The following DPYD variants were observed in gnomAD, a reference collection of about 807,000 sequenced individuals.
DPYD encodes the protein dihydropyrimidine dehydrogenase.
In DPYD, 109 loss-of-function variants were observed where a neutral mutation model predicts 116.2. The observed-to-expected ratio is 0.94, with a 90% CI of 0.80 to 1.10. The LOEUF is 1.10. DPYD is among the 50% of genes least tolerant of loss of function. DPYD has a pLI of 0.00. For missense variants in DPYD, 1,302 were observed against 1,254.5 expected (o/e 1.04, Z -0.57); for synonymous variants, 440 against 432.0 (o/e 1.02, Z -0.23).
intron 12 of DPYD, among the ~76,000 whole-genome samples, chr1:97,539,799 G>A (rs1411614024): frequency 1.3e-5 from 2 of 152,054 alleles, no homozygotes; most frequent in African/African-American, 4.8e-5. Context: ...TCTGATCTGG[G>A]ATTATAATTT....
At chr1:97,808,577 AG>A in intron 3 of DPYD, among the ~76,000 whole-genome samples, 1 of 152,144 alleles carries the variant, frequency 6.6e-6, no homozygotes, top group African/African-American at 2.4e-5. Context: ...GGACAAATGT[AG>A]TTTCATTTAT....
At chr1:97,133,572 C>A (rs747008399) in intron 20 of DPYD, among the ~76,000 whole-genome samples, 2 of 152,030 alleles carry the variant, frequency 1.3e-5, no homozygotes, top group Non-Finnish European at 2.9e-5. Flanking sequence ...GTATGAGACA[C>A]TTTTGATCTT....
chr1:97,869,094 A>T (rs959936545), intron 2 of DPYD, among the ~76,000 whole-genome samples: 2 of 151,766 alleles, frequency 1.3e-5, no homozygotes, highest in African/African-American at 4.8e-5. Context: ...ACCCTGCAGC[A>T]CCAAGCTTTC....
At chr1:97,306,081 T>C (rs1570473655) in intron 17 of DPYD, 96 bp downstream of exon 17, 4 of 1,587,718 alleles carry the variant, frequency 2.5e-6, no homozygotes, top group East Asian at 2.2e-5. Flanking sequence ...ACAAAAAATA[T>C]GCACATGTTT....
chr1:97,681,766 C>CA (rs1350960929), intron 7 of DPYD, among the ~76,000 whole-genome samples: 2 of 152,020 alleles, frequency 1.3e-5, no homozygotes, highest in African/African-American at 2.4e-5. Context: ...AAATACCCTT[C>CA]ATACCAATAT....
rs368804810 is a variant in DPYD at position 97,294,577 on chromosome 1, T to C, written c.2299+10682A>G. ...CTGTTCGAAAAGAAGGTGAGACATATGCAGGAACACAGGTATTTGTAACTT... is the reference window on the plus strand; with the variant it reads ...CTGTTCGAAAAGAAGGTGAGACATACGCAGGAACACAGGTATTTGTAACTT... On this transcript the variant is annotated intron_variant, in intron 18 of 22. Transcript: ENST00000370192. Among the ~76,000 whole-genome samples the C allele has an allele frequency of 3.7e-4, 57 of 152,318 alleles. No homozygotes were observed. In the South Asian group the frequency reaches 0.011, roughly 30 times the overall value.
intron 3 of DPYD, among the ~76,000 whole-genome samples, chr1:97,761,982 C>T (rs2101129544): frequency 6.6e-6 from 1 of 152,116 alleles, no homozygotes; most frequent in South Asian, 2.1e-4. Flanking sequence ...AAGGAAGGAA[C>T]ACAAGGACAC....
intron 8 of DPYD, among the ~76,000 whole-genome samples, chr1:97,662,784 A>C (rs1195084369): frequency 5.3e-5 from 8 of 152,180 alleles, no homozygotes; most frequent in Admixed American, 5.2e-4. Context: ...CAATGGCAAC[A>C]CCAAAACACA....
intron 15 of DPYD, among the ~76,000 whole-genome samples, chr1:97,376,802 A>G (rs1234217608): frequency 1.3e-5 from 2 of 151,824 alleles, no homozygotes; most frequent in African/African-American, 2.4e-5. Flanking sequence ...TAGGAAATAC[A>G]CTGTTACTAA....
chr1:97,741,319 A>C (rs1377302304), intron 3 of DPYD, among the ~76,000 whole-genome samples: 1 of 152,144 alleles, frequency 6.6e-6, no homozygotes, highest in African/African-American at 2.4e-5. Flanking sequence ...CCTGCATATT[A>C]ATCTCATCTG....
chr1:97,751,066 A>G (rs1352708499), intron 3 of DPYD, among the ~76,000 whole-genome samples: 2 of 152,126 alleles, frequency 1.3e-5, no homozygotes, highest in Non-Finnish European at 2.9e-5. Context: ...ATTAAAAGAC[A>G]GTATTCATCA....
intron 13 of DPYD, among the ~76,000 whole-genome samples, chr1:97,497,854 T>C (rs181215545): frequency 1.9e-3 from 295 of 151,856 alleles, no homozygotes; most frequent in Non-Finnish European, 2.9e-3. Flanking sequence ...ATTGAATATA[T>C]ATGTATCTCC....
At chr1:97,768,551 T>G (rs1283868903) in intron 3 of DPYD, among the ~76,000 whole-genome samples, 1 of 152,192 alleles carries the variant, frequency 6.6e-6, no homozygotes, top group Non-Finnish European at 1.5e-5. Context: ...CTTTAAGTAT[T>G]CTTTCACATT....
chr1:97,617,942 ACTCT>A (rs763005322), intron 8 of DPYD, among the ~76,000 whole-genome samples: 3 of 151,574 alleles, frequency 2.0e-5, no homozygotes. Flanking sequence ...CTCTTTTAAA[ACTCT>A]CTCAGTTTGC....
intron 13 of DPYD, among the ~76,000 whole-genome samples, chr1:97,471,374 A>G (rs1290487532): frequency 2.6e-5 from 4 of 152,200 alleles, no homozygotes; most frequent in Non-Finnish European, 4.4e-5. Flanking sequence ...ATCAAGATCC[A>G]AAAAGATGTT....
chr1:97,708,955 A>G (rs1662134684), intron 5 of DPYD, among the ~76,000 whole-genome samples: 1 of 151,948 alleles, frequency 6.6e-6, no homozygotes, highest in African/African-American at 2.4e-5. Context: ...TGTAAAGGAA[A>G]GTGGCTGACT....
At chr1:97,781,092 A>G (rs910174579) in intron 3 of DPYD, among the ~76,000 whole-genome samples, 1 of 152,180 alleles carries the variant, frequency 6.6e-6, no homozygotes, top group African/African-American at 2.4e-5. Context: ...AACAAGCTGT[A>G]TTACTCATGA....
At chr1:97,920,804 G>A in intron 1 of DPYD, 80 bp downstream of exon 1, 2 of 1,533,804 alleles carry the variant, frequency 1.3e-6, no homozygotes, top group Non-Finnish European at 8.8e-7. Context: ...TGCGGGGGCC[G>A]CGGGGGCCTC....
At chr1:97,361,233 A>C (rs185564029) in intron 16 of DPYD, among the ~76,000 whole-genome samples, 2 of 152,160 alleles carry the variant, frequency 1.3e-5, no homozygotes, top group Non-Finnish European at 2.9e-5. Flanking sequence ...GGACACATAC[A>C]CCCTCTCAAG....
Sources: allele counts gnomAD v4.1 joint callset (sites outside exome capture counted in the v4.1 genomes callset), GRCh38; gene constraint gnomAD v4.1.1; transcripts MANE v1.5; gene names NCBI Gene and HGNC (gene_info 2026-07-23, HGNC 2026-07-21).